SORCS3: variants seen among roughly 807,000 people sequenced by gnomAD.
SORCS3 encodes VPS10 domain-containing receptor SorCS3.
SORCS3 carries 57 observed loss-of-function variants against 146.3 expected under a neutral mutation model. That is an observed-to-expected ratio of 0.39 (90% CI 0.31 to 0.49). The LOEUF (loss-of-function observed/expected upper bound fraction) is 0.49. Ranked by LOEUF, SORCS3 falls within the 20% of genes least tolerant of loss-of-function variation. The probability of loss-of-function intolerance (pLI) is 0.92; values close to 1 mark genes in which losing one functional copy is unlikely to be tolerated. For synonymous variants in SORCS3, 653 were observed against 618.5 expected (o/e 1.06, Z -0.83); for missense variants, 1,341 against 1,575.5 (o/e 0.85, Z 2.52).
chr10:104,712,495 C>CT (rs1340069659), intron 1 of SORCS3, among the ~76,000 whole-genome samples: 2 of 152,212 alleles, frequency 1.3e-5, no homozygotes, highest in Admixed American at 6.5e-5. Context: ...ATGTGAGTCT[C>CT]TTGGCTCAGG....
chr10:104,780,769 C>T (rs906605694), intron 1 of SORCS3, among the ~76,000 whole-genome samples: 1 of 152,162 alleles, frequency 6.6e-6, no homozygotes, highest in Non-Finnish European at 1.5e-5. Context: ...TTGCCTGTGT[C>T]TTCTGACAAT....
intron 1 of SORCS3, among the ~76,000 whole-genome samples, chr10:104,768,269 T>G (rs1180902754): frequency 6.6e-6 from 1 of 152,224 alleles, no homozygotes; most frequent in Non-Finnish European, 1.5e-5. Context: ...TTACATGCAC[T>G]GAAGTTTGAG....
At chr10:104,795,018 A>T (rs2017537769) in intron 1 of SORCS3, among the ~76,000 whole-genome samples, 1 of 152,206 alleles carries the variant, frequency 6.6e-6, no homozygotes, top group African/African-American at 2.4e-5. Context: ...TCCCGTTTTT[A>T]TAACAAATAT....
At chr10:104,660,648 A>C (rs989378365) in intron 1 of SORCS3, among the ~76,000 whole-genome samples, 4 of 152,094 alleles carry the variant, frequency 2.6e-5, no homozygotes, top group Non-Finnish European at 4.4e-5. Flanking sequence ...TCACATTTCA[A>C]ATCTGATATC....
intron 14 of SORCS3, among the ~76,000 whole-genome samples, chr10:105,196,541 G>A (rs10884112): frequency 0.23 from 34,776 of 152,156 alleles, 3,956 homozygotes; most frequent in South Asian, 0.29. Context: ...GGAGGTGGAG[G>A]TTACAGTGAG....
chr10:104,759,773 C>A (rs1194867123), intron 1 of SORCS3, among the ~76,000 whole-genome samples: 1 of 152,108 alleles, frequency 6.6e-6, no homozygotes, highest in Admixed American at 6.5e-5. Context: ...GCTGATTCAC[C>A]AGGTGTTCTG....
At chr10:104,680,520 T>A (rs1205044978) in intron 1 of SORCS3, among the ~76,000 whole-genome samples, 3 of 152,218 alleles carry the variant, frequency 2.0e-5, no homozygotes, top group African/African-American at 4.8e-5. Flanking sequence ...TGGGTTCAAA[T>A]CCCAGCGCTG....
At chr10:104,782,234 C>T (rs1289553710) in intron 1 of SORCS3, among the ~76,000 whole-genome samples, 1 of 152,204 alleles carries the variant, frequency 6.6e-6, no homozygotes, top group East Asian at 1.9e-4. Flanking sequence ...ACTCCTGAGC[C>T]TGGAGTTGTT....
chr10:104,986,800 A>G (rs2133659123), intron 4 of SORCS3, among the ~76,000 whole-genome samples: 1 of 152,330 alleles, frequency 6.6e-6, no homozygotes, highest in South Asian at 2.1e-4. Flanking sequence ...CATTTTCTAC[A>G]GGTGTAATTT....
At chr10:104,934,545 TGA>T (rs1440404142) in intron 3 of SORCS3, among the ~76,000 whole-genome samples, 2 of 152,138 alleles carry the variant, frequency 1.3e-5, no homozygotes, top group African/African-American at 4.8e-5. Flanking sequence ...ACCTTTTGAG[TGA>T]GAGGATTTAA....
intron 4 of SORCS3, among the ~76,000 whole-genome samples, chr10:105,022,161 G>T (rs367814842): frequency 4.6e-5 from 7 of 152,016 alleles, no homozygotes; most frequent in Non-Finnish European, 1.0e-4. Flanking sequence ...GAATGCACAA[G>T]GCAAAAAGTG....
At chr10:104,819,261 C>T (rs1036124216) in intron 1 of SORCS3, among the ~76,000 whole-genome samples, 3 of 152,076 alleles carry the variant, frequency 2.0e-5, no homozygotes, top group Non-Finnish European at 4.4e-5. Flanking sequence ...AAGATAGGGA[C>T]CAGGGTCTGT....
intron 19 of SORCS3, among the ~76,000 whole-genome samples, chr10:105,218,054 G>A (rs2119658021): frequency 6.6e-6 from 1 of 152,244 alleles, no homozygotes; most frequent in South Asian, 2.1e-4. Flanking sequence ...CTCAGTGATG[G>A]CATCAACTCT....
chr10:105,056,928 TA>T (rs2055449556), intron 5 of SORCS3, among the ~76,000 whole-genome samples: 1 of 152,352 alleles, frequency 6.6e-6, no homozygotes, highest in South Asian at 2.1e-4. Flanking sequence ...ATGACTATTT[TA>T]CATCTTTTAA....
At position 105,251,970 on chromosome 10, in the gene SORCS3, T is replaced by C. The variant is rs1338878864; in HGVS notation, c.3106-805T>C. On this transcript the variant is annotated intron_variant, in intron 22 of 26. Coordinates refer to ENST00000369701, the MANE Select transcript of SORCS3 (RefSeq NM_014978.3). ...AATGCAGCTATCATAAGTATTTTTC[T>C]ATGTTGTCTCATAGTACTTATTATC... 2.6e-5 allele frequency among the ~76,000 whole-genome samples: 4 copies of C among 152,238 alleles called. No individual in the cohort carries two copies. The East Asian group carries it at 7.7e-4, about 29-fold the overall frequency.
chr10:105,224,408 GTC>G (rs1795387921), intron 20 of SORCS3, among the ~76,000 whole-genome samples: 2 of 152,114 alleles, frequency 1.3e-5, no homozygotes, highest in African/African-American at 4.8e-5. Flanking sequence ...GTCTTTTCGT[GTC>G]TTGATAGCTC....
At chr10:105,038,724 T>C (rs1218287327) in intron 4 of SORCS3, among the ~76,000 whole-genome samples, 1 of 152,154 alleles carries the variant, frequency 6.6e-6, no homozygotes, top group Non-Finnish European at 1.5e-5. Flanking sequence ...TTTCAAGTTT[T>C]TGTAATACTT....
chr10:104,812,128 C>G (rs149774846), intron 1 of SORCS3, among the ~76,000 whole-genome samples: 1 of 152,352 alleles, frequency 6.6e-6, no homozygotes, highest in African/African-American at 2.4e-5. Context: ...ATTTCCATCT[C>G]TCTTGGAGAA....
At position 104,842,340 on chromosome 10, in the gene SORCS3, C is replaced by G. The variant is rs1475908155; in HGVS notation, c.628-452C>G. On this transcript the variant is annotated intron_variant, in intron 1 of 26. Transcript: ENST00000369701. The stretch of plus-strand genomic sequence containing the variant: ...GGAAACACAAAATCTCTTTGAACCC[C>G]TTTTACAGACAGAATCAGGACCACT... 2.6e-5 allele frequency among the ~76,000 whole-genome samples: 4 copies of G among 152,210 alleles called. No individual in the cohort carries two copies. In the South Asian group the frequency reaches 8.3e-4, roughly 32 times the overall value.
Sources: allele counts gnomAD v4.1 joint callset (sites outside exome capture counted in the v4.1 genomes callset), GRCh38; gene constraint gnomAD v4.1.1; transcripts MANE v1.5; gene names NCBI Gene and HGNC (gene_info 2026-07-23, HGNC 2026-07-21).